KDM4C: variants seen among roughly 807,000 people sequenced by gnomAD.
The protein encoded by KDM4C is lysine-specific demethylase 4C.
In KDM4C, 81 loss-of-function variants were observed where a neutral mutation model predicts 129.3. The observed-to-expected ratio is 0.63, with a 90% confidence interval of 0.52 to 0.75. The LOEUF (loss-of-function observed/expected upper bound fraction) is 0.75. Among genes scored for constraint, KDM4C ranks in the 30% least tolerant of loss-of-function variants. The pLI is 0.00. For synonymous variants in KDM4C, 573 were observed against 456.1 expected, an observed-to-expected ratio of 1.26 and a Z score of -3.26; for missense variants, 1,457 against 1,304.0, an observed-to-expected ratio of 1.12 and a Z score of -1.81.
At chr9:6,806,785 A>T (rs140900025) in intron 3 of KDM4C, among the ~76,000 whole-genome samples, 197 of 152,182 alleles carry the variant, frequency 1.3e-3, no homozygotes, top group African/African-American at 4.6e-3. Flanking sequence ...CTCCCAGAGC[A>T]AGTGATCCGA....
chr9:6,958,702 T>TG (rs1554666547), intron 8 of KDM4C, among the ~76,000 whole-genome samples: 4 of 150,808 alleles, frequency 2.7e-5, no homozygotes, highest in African/African-American at 9.8e-5. Context: ...TTTTTTTTTT[T>TG]GGGACAGGGT....
At chr9:6,826,866 CAA>C (rs1190907288) in intron 4 of KDM4C, among the ~76,000 whole-genome samples, 4 of 137,490 alleles carry the variant, frequency 2.9e-5, no homozygotes, top group African/African-American at 5.3e-5. Context: ...AACTCCATCT[CAA>C]AAAAAAAAAA....
intron 1 of KDM4C, among the ~76,000 whole-genome samples, chr9:6,783,417 A>T (rs1324847834): frequency 6.6e-6 from 1 of 152,164 alleles, no homozygotes; most frequent in African/African-American, 2.4e-5. Context: ...CTTTATACTC[A>T]TCTTCAAATG....
intron 6 of KDM4C, among the ~76,000 whole-genome samples, chr9:6,882,916 A>C (rs1434977760): frequency 6.6e-6 from 1 of 152,072 alleles, no homozygotes; most frequent in East Asian, 1.9e-4. Context: ...TCCCTGTGCC[A>C]GGGGGTAGAT....
intron 1 of KDM4C, among the ~76,000 whole-genome samples, chr9:6,760,542 T>TTTTATTTATTTA (rs370646653): frequency 1.7e-4 from 25 of 143,878 alleles, no homozygotes; most frequent in Non-Finnish European, 2.1e-4. Flanking sequence ...TGATACTCTT[T>TTTTATTTATTTA]TTTATTTATT....
chr9:6,955,347 T>G (rs1392795955), intron 8 of KDM4C, among the ~76,000 whole-genome samples: 2 of 152,248 alleles, frequency 1.3e-5, no homozygotes, highest in Non-Finnish European at 2.9e-5. Context: ...TGGTTTTACC[T>G]TTGAATAGAG....
intron 8 of KDM4C, among the ~76,000 whole-genome samples, chr9:6,968,151 C>A (rs1317188774): frequency 2.6e-5 from 4 of 152,064 alleles, no homozygotes; most frequent in Non-Finnish European, 5.9e-5. Flanking sequence ...CTAAGATAGG[C>A]CTCCTTCACC....
At chr9:7,032,480 G>A (rs917173160) in intron 15 of KDM4C, among the ~76,000 whole-genome samples, 11 of 152,136 alleles carry the variant, frequency 7.2e-5, no homozygotes, top group South Asian at 2.1e-4. Context: ...TTTCATTTTC[G>A]AACTTTGGAC....
At chr9:6,971,202 A>T (rs899293342) in intron 8 of KDM4C, among the ~76,000 whole-genome samples, 5 of 152,228 alleles carry the variant, frequency 3.3e-5, no homozygotes, top group Non-Finnish European at 7.3e-5. Flanking sequence ...TATAAGTTAT[A>T]CAAATGTGGA....
At chr9:6,766,535 GA>G (rs1372142976) in intron 1 of KDM4C, among the ~76,000 whole-genome samples, 2 of 152,064 alleles carry the variant, frequency 1.3e-5, no homozygotes, top group African/African-American at 4.8e-5. Flanking sequence ...TGTACATTTA[GA>G]AATATGAACT....
intron 4 of KDM4C, among the ~76,000 whole-genome samples, chr9:6,829,435 C>T (rs143999043): frequency 1.6e-4 from 25 of 152,306 alleles, no homozygotes; most frequent in Non-Finnish European, 2.8e-4. Context: ...ACATGAAACT[C>T]AGAGGTGAAA....
chr9:7,047,268 A>T (rs1829537869), intron 16 of KDM4C, among the ~76,000 whole-genome samples: 1 of 152,114 alleles, frequency 6.6e-6, no homozygotes, highest in Non-Finnish European at 1.5e-5. Context: ...AACAGGGCAT[A>T]CCTGAGAAAG....
At chr9:7,011,551 C>G (rs112438110) in intron 12 of KDM4C, 147 bp from the exon 13 acceptor site, 8 of 687,466 alleles carry the variant, frequency 1.2e-5, no homozygotes, top group African/African-American at 7.2e-5. Flanking sequence ...TATCCTGGCT[C>G]TCTCAGGATG....
intron 8 of KDM4C, among the ~76,000 whole-genome samples, chr9:6,934,523 C>T (rs1414861707): frequency 7.4e-6 from 1 of 135,324 alleles, no homozygotes; most frequent in Non-Finnish European, 1.7e-5. Context: ...TAAATACCAA[C>T]TTATATCCTC....
At chr9:6,908,722 G>A (rs1210640725) in intron 8 of KDM4C, among the ~76,000 whole-genome samples, 1 of 152,116 alleles carries the variant, frequency 6.6e-6, no homozygotes. Flanking sequence ...ACATTAAGTA[G>A]ATTTTAGTGG....
At chr9:7,158,509 C>T (rs545416344) in intron 19 of KDM4C, among the ~76,000 whole-genome samples, 3 of 152,244 alleles carry the variant, frequency 2.0e-5, no homozygotes, top group East Asian at 1.9e-4. Context: ...CTACACACTG[C>T]TTAAATGTGT....
At chr9:7,157,339 C>G (rs1843294019) in intron 19 of KDM4C, among the ~76,000 whole-genome samples, 1 of 152,242 alleles carries the variant, frequency 6.6e-6, no homozygotes, top group Middle Eastern at 3.4e-3. Flanking sequence ...ATTGAATACC[C>G]ATTATTTCTT....
intron 1 of KDM4C, among the ~76,000 whole-genome samples, chr9:6,724,304 A>G (rs559967117): frequency 3.9e-5 from 6 of 152,150 alleles, no homozygotes; most frequent in South Asian, 2.1e-4. Flanking sequence ...GCTGCCTGGT[A>G]TACTCCATTT....
At chr9:6,834,193 C>A (rs957093827) in intron 4 of KDM4C, among the ~76,000 whole-genome samples, 1 of 152,064 alleles carries the variant, frequency 6.6e-6, no homozygotes, top group Admixed American at 6.6e-5. Flanking sequence ...CGTGCGCCAC[C>A]ATGCCCAGTT....
Sources: gnomAD v4.1 joint callset for allele counts (sites outside exome capture counted in the v4.1 genomes callset) on GRCh38, gnomAD v4.1.1 for gene constraint, MANE v1.5 for transcripts, NCBI Gene and HGNC (gene_info 2026-07-23, HGNC 2026-07-21) for gene names.